Variants in RYR2 observed in about 807,000 individuals in gnomAD.
RYR2 encodes cardiac muscle ryanodine receptor-calcium release channel.
Under a neutral mutation model 601.1 loss-of-function variants are expected in RYR2, and 227 were observed. That is an observed-to-expected ratio of 0.38 (90% CI 0.34 to 0.42). The LOEUF is 0.42. RYR2 is among the 10% of genes least tolerant of loss of function. The probability of loss-of-function intolerance (pLI) is 1.00; values close to 1 mark genes in which losing one functional copy is unlikely to be tolerated. For missense variants in RYR2, 4,646 were observed against 6,156.5 expected (o/e 0.75, Z 8.21); for synonymous variants, 2,223 against 2,175.1 (o/e 1.02, Z -0.61).
chr1:237,460,697 CCT>C (rs1356368414), intron 16 of RYR2, among the ~76,000 whole-genome samples: 99 of 152,250 alleles, frequency 6.5e-4, no homozygotes, highest in African/African-American at 2.4e-3. Context: ...AACTCTTACT[CCT>C]CTTTCATTAG....
At chr1:237,745,054 G>A (rs555326316) in intron 80 of RYR2, among the ~76,000 whole-genome samples, 2 of 152,014 alleles carry the variant, frequency 1.3e-5, no homozygotes, top group African/African-American at 4.8e-5. Context: ...ACCCATCTGG[G>A]CCTCCCAAAG....
At chr1:237,609,543 A>C (rs1026264605) in intron 35 of RYR2, among the ~76,000 whole-genome samples, 1 of 151,636 alleles carries the variant, frequency 6.6e-6, no homozygotes, top group Non-Finnish European at 1.5e-5. Context: ...TTTTTTTTAC[A>C]GGCGAATTTT....
At chr1:237,494,104 G>A (rs1354309016) in intron 19 of RYR2, among the ~76,000 whole-genome samples, 1 of 152,132 alleles carries the variant, frequency 6.6e-6, no homozygotes, top group Non-Finnish European at 1.5e-5. Flanking sequence ...GAGGCACAGG[G>A]CGAATAGGAT....
At chr1:237,220,193 G>A (rs1005913796) in intron 1 of RYR2, among the ~76,000 whole-genome samples, 16 of 152,210 alleles carry the variant, frequency 1.1e-4, no homozygotes, top group African/African-American at 3.6e-4. Context: ...AATGTGCATG[G>A]TGGGCACCAT....
intron 17 of RYR2, among the ~76,000 whole-genome samples, chr1:237,480,922 T>C (rs1425120032): frequency 6.6e-6 from 1 of 152,030 alleles, no homozygotes; most frequent in Non-Finnish European, 1.5e-5. Context: ...TGTTATATTT[T>C]AGTTTTAACC....
intron 1 of RYR2, among the ~76,000 whole-genome samples, chr1:237,114,849 C>T (rs11810113): frequency 0.39 from 58,973 of 151,988 alleles, 13,178 homozygotes; most frequent in Middle Eastern, 0.52. Flanking sequence ...TAGTATTGGC[C>T]TTGTAGGGTT....
intron 1 of RYR2, among the ~76,000 whole-genome samples, chr1:237,165,108 C>T (rs891511111): frequency 6.6e-6 from 1 of 151,916 alleles, no homozygotes; most frequent in Non-Finnish European, 1.5e-5. Flanking sequence ...TAGGCGCATG[C>T]ACCATACCTG....
intron 17 of RYR2, among the ~76,000 whole-genome samples, chr1:237,485,250 GTAAA>G (rs1331388360): frequency 1.3e-5 from 2 of 152,144 alleles, no homozygotes; most frequent in Non-Finnish European, 1.5e-5. Flanking sequence ...CTTGTTATGA[GTAAA>G]TAAATAAATG....
At chr1:237,169,514 G>C (rs752743524) in intron 1 of RYR2, among the ~76,000 whole-genome samples, 6 of 127,246 alleles carry the variant, frequency 4.7e-5, no homozygotes, top group Non-Finnish European at 1.0e-4. Context: ...TGGCCAGGCT[G>C]GTCTCGAACT....
intron 1 of RYR2, among the ~76,000 whole-genome samples, chr1:237,151,689 A>C (rs1674720045): frequency 6.6e-6 from 1 of 152,150 alleles, no homozygotes; most frequent in Non-Finnish European, 1.5e-5. Flanking sequence ...GTTGTGTGTA[A>C]TGATGCAGAC....
At chr1:237,709,281 GT>G (rs1688629894) in intron 69 of RYR2, among the ~76,000 whole-genome samples, 183 bp downstream of exon 69, 1 of 151,882 alleles carries the variant, frequency 6.6e-6, no homozygotes, top group South Asian at 2.1e-4. Context: ...AAAGTTGGCC[GT>G]TTCATTCTGA....
rs1464355848 is a variant in RYR2, at chr1:237,152,753, A to T, written c.48+110184A>T. 2.0e-5 allele frequency among the ~76,000 whole-genome samples: 3 copies of T among 152,230 alleles called. No homozygotes were observed. In the East Asian group the frequency reaches 5.8e-4, roughly 29 times the overall value. Reference sequence around the variant, plus strand: ...ATTCAGGACATAGGCGTGGACAAAGATTTTATGATGAAATCACCAAAAGCA... The same window carrying T: ...ATTCAGGACATAGGCGTGGACAAAGTTTTTATGATGAAATCACCAAAAGCA... On this transcript the variant is annotated intron_variant, in intron 1 of 104. Transcript: ENST00000366574.
At chr1:237,183,285 A>G (rs138677861) in intron 1 of RYR2, among the ~76,000 whole-genome samples, 72 of 152,322 alleles carry the variant, frequency 4.7e-4, no homozygotes, top group African/African-American at 1.7e-3. Flanking sequence ...AGCATTTGGT[A>G]GAGGAGGAAG....
intron 1 of RYR2, among the ~76,000 whole-genome samples, chr1:237,094,239 T>A (rs570686177): frequency 6.6e-6 from 1 of 152,344 alleles, no homozygotes; most frequent in Admixed American, 6.5e-5. Flanking sequence ...GTAGGAAGCC[T>A]GTGGTTATTG....
At chr1:237,147,444 G>A (rs893807019) in intron 1 of RYR2, among the ~76,000 whole-genome samples, 9 of 152,136 alleles carry the variant, frequency 5.9e-5, no homozygotes, top group African/African-American at 2.2e-4. Context: ...CTGTTGCTTT[G>A]TGTATTCTTT....
At chr1:237,402,355 C>G (rs944901619) in intron 10 of RYR2, among the ~76,000 whole-genome samples, 2 of 150,384 alleles carry the variant, frequency 1.3e-5, no homozygotes, top group African/African-American at 4.9e-5. Flanking sequence ...TCACTGCACT[C>G]CAGTCTGGGT....
intron 37 of RYR2, 50 bp from the exon 38 acceptor site, chr1:237,617,236 T>C: frequency 6.8e-7 from 1 of 1,474,008 alleles, no homozygotes; most frequent in Non-Finnish European, 9.2e-7. Context: ...TCATACACAT[T>C]ATTAAAGGAT....
intron 25 of RYR2, among the ~76,000 whole-genome samples, chr1:237,531,942 T>C (rs572899867): frequency 9.5e-4 from 144 of 152,304 alleles, no homozygotes; most frequent in African/African-American, 3.1e-3. Flanking sequence ...TTTTCCTTTT[T>C]CAACTGTATT....
chr1:237,819,592 G>A lies in RYR2; in HGVS notation c.14590+400G>A, dbSNP rs191389060. On this transcript the variant is annotated intron_variant, in intron 101 of 104. Coordinates refer to ENST00000366574, the MANE Select transcript of RYR2 (RefSeq NM_001035.3). The surrounding 1 kb of genome is among the most constrained non-coding windows in gnomAD (Gnocchi z 4.0). ...CAAGCACTTTGGGAGGCTGAAGGGG[G>A]ATGGATCACTTGAGGTCAGGAGCTC... Among the ~76,000 whole-genome samples, 1 of 152,124 alleles carries A rather than the reference G, an allele frequency of 6.6e-6. No homozygotes were observed. Among genetic ancestry groups the A allele is most frequent in the South Asian group, 2.1e-4 (1 of 4,824 alleles).
Sources: gnomAD v4.1 joint callset for allele counts (sites outside exome capture counted in the v4.1 genomes callset) on GRCh38, gnomAD v4.1.1 for gene constraint, Gnocchi (gnomAD v3.1) non-coding constraint, MANE v1.5 for transcripts, NCBI Gene and HGNC (gene_info 2026-07-23, HGNC 2026-07-21) for gene names.